SDK1: variants seen among roughly 807,000 people sequenced by gnomAD.
SDK1 encodes the protein protein sidekick-1.
A neutral mutation model predicts 245.5 loss-of-function variants in SDK1; 157 were observed. The ratio of observed to expected loss-of-function variants is 0.64; its 90% CI spans 0.56 to 0.73. The LOEUF is 0.73. Among genes scored for constraint, SDK1 ranks in the 30% least tolerant of loss-of-function variants. The probability of loss-of-function intolerance (pLI) is 0.00; values close to 1 mark genes in which losing one functional copy is unlikely to be tolerated. For synonymous variants in SDK1, 1,647 were observed against 1,278.5 expected, an observed-to-expected ratio of 1.29 and a Z score of -6.15; for missense variants, 3,583 against 3,002.3, an observed-to-expected ratio of 1.19 and a Z score of -4.52.
chr7:4,123,308 C>T (rs1029430808), intron 25 of SDK1, among the ~76,000 whole-genome samples: 5 of 152,082 alleles, frequency 3.3e-5, no homozygotes. Context: ...TAAATATATT[C>T]GGATACGTTG....
chr7:3,984,027 A>G (rs1583725400), intron 13 of SDK1, among the ~76,000 whole-genome samples: 1 of 152,134 alleles, frequency 6.6e-6, no homozygotes, highest in South Asian at 2.1e-4. Context: ...TTTGTTTTTA[A>G]TCTTTTAAAA....
intron 5 of SDK1, among the ~76,000 whole-genome samples, chr7:3,845,367 G>A (rs912113703): frequency 6.6e-6 from 1 of 151,728 alleles, no homozygotes; most frequent in Non-Finnish European, 1.5e-5. Flanking sequence ...GTGCATGCCT[G>A]TAATCCCAGC....
intron 5 of SDK1, among the ~76,000 whole-genome samples, chr7:3,923,120 T>G (rs1345953608): frequency 6.6e-6 from 1 of 152,224 alleles, no homozygotes; most frequent in Non-Finnish European, 1.5e-5. Context: ...GATTCCATTT[T>G]CATATTTACA....
At chr7:3,595,998 T>G (rs2128637068) in intron 1 of SDK1, among the ~76,000 whole-genome samples, 1 of 151,532 alleles carries the variant, frequency 6.6e-6, no homozygotes, top group South Asian at 2.1e-4. Context: ...ATGCGGTCGT[T>G]GTGAGAACAT....
At chr7:4,196,359 G>A (rs566079172) in intron 35 of SDK1, among the ~76,000 whole-genome samples, 15 of 152,218 alleles carry the variant, frequency 9.9e-5, no homozygotes, top group Non-Finnish European at 1.9e-4. Context: ...CCTAGCTACA[G>A]CCAAAGCCAT....
chr7:3,856,738 C>A (rs952522534), intron 5 of SDK1, among the ~76,000 whole-genome samples: 6 of 151,888 alleles, frequency 4.0e-5, no homozygotes, highest in African/African-American at 1.5e-4. Context: ...TTGCAGTGAG[C>A]CGAGATCACA....
chr7:3,760,704 T>C (rs1025067220), intron 4 of SDK1, among the ~76,000 whole-genome samples: 3 of 152,240 alleles, frequency 2.0e-5, no homozygotes, highest in Non-Finnish European at 4.4e-5. Context: ...TGGGATTGTG[T>C]CTTTTGGGAT....
rs750177851 is a variant in SDK1 at position 4,110,785 on chromosome 7, G to A, written c.3434+13G>A. 17 of 1,563,306 alleles carry A rather than the reference G, an allele frequency of 1.1e-5. No individual in the cohort carries two copies. Among genetic ancestry groups the A allele is most frequent in the Middle Eastern group, 1.7e-4 (1 of 5,972 alleles). On this transcript the variant is annotated intron_variant, in intron 23 of 44. Transcript: ENST00000404826. ...ACACTCACTACAGGTGAGAACAGCA[G>A]TGATAAGCTGTTACAGGAGGAAACA... is the stretch of plus-strand genomic sequence containing the variant.
chr7:3,620,377 A>C (rs1159960639), intron 2 of SDK1, among the ~76,000 whole-genome samples: 1 of 151,440 alleles, frequency 6.6e-6, no homozygotes, highest in Non-Finnish European at 1.5e-5. Flanking sequence ...ATCTTGGCTC[A>C]CTGCAACCTC....
At chr7:3,541,681 A>G (rs1217339182) in intron 1 of SDK1, among the ~76,000 whole-genome samples, 1 of 152,192 alleles carries the variant, frequency 6.6e-6, no homozygotes, top group Non-Finnish European at 1.5e-5. Context: ...CCATGTCACT[A>G]ATTTCTGCAT....
intron 17 of SDK1, among the ~76,000 whole-genome samples, chr7:4,028,238 A>T (rs140464632): frequency 0.01 from 1,546 of 152,246 alleles, 17 homozygotes; most frequent in South Asian, 0.043. Context: ...CACCCACTCT[A>T]ATTTAGGAAC....
chr7:3,422,659 T>C (rs1583834393), intron 1 of SDK1, among the ~76,000 whole-genome samples: 1 of 152,162 alleles, frequency 6.6e-6, no homozygotes, highest in African/African-American at 2.4e-5. Flanking sequence ...TATTTCTTTC[T>C]GTAGCTCTGA....
chr7:3,732,069 C>T (rs1490697422), intron 4 of SDK1, among the ~76,000 whole-genome samples: 4 of 152,202 alleles, frequency 2.6e-5, no homozygotes, highest in Admixed American at 1.3e-4. Context: ...GGATTACAGG[C>T]GTGAGCCACC....
chr7:3,592,074 C>A (rs1169434501), intron 1 of SDK1, among the ~76,000 whole-genome samples: 1 of 152,168 alleles, frequency 6.6e-6, no homozygotes, highest in African/African-American at 2.4e-5. Context: ...GTATCACTAT[C>A]AGCTCTATTT....
At chr7:3,890,337 C>G (rs148678989) in intron 5 of SDK1, among the ~76,000 whole-genome samples, 6 of 152,124 alleles carry the variant, frequency 3.9e-5, no homozygotes, top group African/African-American at 1.4e-4. Context: ...CAGCAGATTG[C>G]GAAGACTTTG....
chr7:4,164,447 G>A (rs1315891820), intron 32 of SDK1, among the ~76,000 whole-genome samples: 6 of 152,166 alleles, frequency 3.9e-5, no homozygotes, highest in African/African-American at 7.2e-5. Context: ...GAGGGTCTCC[G>A]GTGGGAGGTT....
chr7:3,770,140 C>G (rs1562430590), intron 4 of SDK1, among the ~76,000 whole-genome samples: 1 of 151,994 alleles, frequency 6.6e-6, no homozygotes, highest in Non-Finnish European at 1.5e-5. Context: ...GGTGATGGAA[C>G]TGTTCTGTAT....
At chr7:4,208,674 G>C (rs1784365243) in intron 37 of SDK1, among the ~76,000 whole-genome samples, 2 of 152,202 alleles carry the variant, frequency 1.3e-5, no homozygotes, top group African/African-American at 2.4e-5. Flanking sequence ...CCAGATCCTT[G>C]GGGGTAGGCT....
intron 1 of SDK1, among the ~76,000 whole-genome samples, chr7:3,423,271 G>A (rs559124257): frequency 4.4e-3 from 672 of 152,284 alleles, no homozygotes; most frequent in Non-Finnish European, 7.4e-3. Flanking sequence ...GAGAAAAGAG[G>A]AAAATTTTTA....
Sources: allele counts gnomAD v4.1 joint callset (sites outside exome capture counted in the v4.1 genomes callset), GRCh38; gene constraint gnomAD v4.1.1; transcripts MANE v1.5; gene names NCBI Gene and HGNC (gene_info 2026-07-23, HGNC 2026-07-21).